Variants in CFAP161 observed in about 807,000 individuals in gnomAD.
CFAP161 encodes the protein cilia and flagella associated protein 161, also known as cilia- and flagella-associated protein 161.
In CFAP161, 25 loss-of-function variants were observed where a neutral mutation model predicts 29.0. That is an observed-to-expected ratio of 0.86 (90% CI 0.63 to 1.20). The LOEUF is 1.20. Among genes scored for constraint, CFAP161 ranks in the 50% most tolerant of loss-of-function variants. The pLI is 0.00. For missense variants in CFAP161, 367 were observed against 371.9 expected, an observed-to-expected ratio of 0.99 and a Z score of 0.11; for synonymous variants, 116 against 137.4, an observed-to-expected ratio of 0.84 and a Z score of 1.09.
intron 3 of CFAP161, among the ~76,000 whole-genome samples, 189 bp downstream of exon 3, chr15:81,136,937 A>G (rs1271491380): frequency 6.6e-6 from 1 of 152,166 alleles, no homozygotes; most frequent in Non-Finnish European, 1.5e-5. Context: ...TTTACCTTAG[A>G]CAGCAGGATA....
At chr15:81,138,831 C>T (rs1894855994) in intron 4 of CFAP161, among the ~76,000 whole-genome samples, 1 of 152,116 alleles carries the variant, frequency 6.6e-6, no homozygotes, top group Non-Finnish European at 1.5e-5. Context: ...ACTATTTTAC[C>T]TTTAATTTAC....
upstream of CFAP161, among the ~76,000 whole-genome samples, chr15:81,133,383 T>C (rs1189442525): frequency 6.6e-6 from 1 of 151,738 alleles, no homozygotes; most frequent in Non-Finnish European, 1.5e-5. Context: ...ATTGCATTTT[T>C]CCACAGTCTT....
At chr15:81,112,223 T>C (rs571772674) in intron 1 of CFAP161, among the ~76,000 whole-genome samples, 2 of 152,112 alleles carry the variant, frequency 1.3e-5, no homozygotes, top group Admixed American at 1.3e-4. Flanking sequence ...TACACTGTGA[T>C]GACTTACATT....
upstream of CFAP161, among the ~76,000 whole-genome samples, chr15:81,133,227 A>ATAT (rs1567156509): frequency 4.0e-5 from 2 of 50,406 alleles, no homozygotes; most frequent in Non-Finnish European, 8.3e-5. Flanking sequence ...ATATATATGT[A>ATAT]TTTTTTTTTA....
At chr15:81,137,930 T>A in intron 3 of CFAP161, 121 bp from the exon 4 acceptor site, 1 of 697,534 alleles carries the variant, frequency 1.4e-6, no homozygotes, top group East Asian at 2.8e-5. Flanking sequence ...AGTTACAGTA[T>A]GTGAATATAA....
At chr15:81,119,498 T>C (rs1414153853) in intron 1 of CFAP161, among the ~76,000 whole-genome samples, 1 of 152,158 alleles carries the variant, frequency 6.6e-6, no homozygotes, top group Non-Finnish European at 1.5e-5. Flanking sequence ...AATAACGTTA[T>C]ATAATTTTTG....
intron 1 of CFAP161, among the ~76,000 whole-genome samples, chr15:81,115,460 A>C (rs79327046): frequency 3.0e-4 from 46 of 152,240 alleles, no homozygotes; most frequent in African/African-American, 1.1e-3. Context: ...CGTAAAGAGG[A>C]AGGTTGGAGG....
At chr15:81,144,366 G>A (rs879274670) in intron 5 of CFAP161, among the ~76,000 whole-genome samples, 2 of 152,200 alleles carry the variant, frequency 1.3e-5, no homozygotes, top group Non-Finnish European at 2.9e-5. Context: ...AGGCTAAGGC[G>A]GGCGGATCTT....
chr15:81,108,377 G>A (rs988289399), intron 1 of CFAP161, among the ~76,000 whole-genome samples: 23 of 151,780 alleles, frequency 1.5e-4, no homozygotes, highest in Admixed American at 5.2e-4. Context: ...GGAGATGAAT[G>A]GGTCAATGAG....
intron 4 of CFAP161, among the ~76,000 whole-genome samples, chr15:81,139,620 T>G (rs1894871798): frequency 1.3e-5 from 2 of 152,208 alleles, no homozygotes; most frequent in Admixed American, 6.5e-5. Context: ...ATTTACCTAG[T>G]CTTTCTTCTA....
At chr15:81,119,882 C>T (rs1050483313) in intron 1 of CFAP161, among the ~76,000 whole-genome samples, 7 of 149,524 alleles carry the variant, frequency 4.7e-5, no homozygotes, top group Non-Finnish European at 8.9e-5. Flanking sequence ...ACAGCAAGAT[C>T]CTGTCTTTAA....
intron 6 of CFAP161, 93 bp downstream of exon 6, chr15:81,148,024 C>A: frequency 1.9e-6 from 2 of 1,044,500 alleles, no homozygotes; most frequent in Admixed American, 2.4e-5. Flanking sequence ...TATGGCTGCA[C>A]ATACAAAAAA....
At chr15:81,131,619 T>C (rs1013174960), upstream of CFAP161, among the ~76,000 whole-genome samples, 2 of 151,900 alleles carry the variant, frequency 1.3e-5, no homozygotes, top group Admixed American at 6.6e-5. Context: ...GACAAATCAA[T>C]AGAAATTATG....
At chr15:81,110,247 T>TA (rs1202638657) in intron 1 of CFAP161, among the ~76,000 whole-genome samples, 1 of 152,202 alleles carries the variant, frequency 6.6e-6, no homozygotes, top group African/African-American at 2.4e-5. Context: ...TGCTTTTGTT[T>TA]AAAAGAAGTC....
Position 81,134,370 on chromosome 15 carries a change from A to G in CFAP161, c.41A>G (p.Asn14Ser), listed in dbSNP as rs1378709199. The G allele has an allele frequency of 1.9e-6, 3 of 1,590,878 alleles. No individual in the cohort carries two copies. The highest frequency in any genetic ancestry group is 2.6e-6 in the Non-Finnish European group (3 of 1,169,864). The change falls in exon 1 of 7, where the codon AAC (asparagine) becomes AGC (serine). Residue 14 changes from asparagine (N) to serine (S), a missense_variant. Asn to Ser is a conservative substitution (Grantham distance 46, BLOSUM62 1). Transcript: ENST00000286732. ...TATGGTCCGGGAGTCCGGATAGGCA[A>G]CTGGAATGAGGATGTCTACCTGGAG... is the stretch of plus-strand genomic sequence containing the variant. ...NVYGPGVRIGNWNEDVYLEEE... is the reference protein window; with the variant it reads ...NVYGPGVRIGSWNEDVYLEEE...
intron 1 of CFAP161, among the ~76,000 whole-genome samples, chr15:81,111,076 T>A (rs1398400507): frequency 6.6e-6 from 1 of 152,238 alleles, no homozygotes; most frequent in African/African-American, 2.4e-5. Flanking sequence ...ATTTTCAATA[T>A]CCTGTCTGCT....
Position 81,148,377 on chromosome 15 carries a change from A to G in CFAP161, c.750A>G (p.Thr250=). ...FGKEAEVVAH[T]YLDSHRVEKP... ...AGGAGGCTGAGGTTGTAGCTCACAC[A>G]TACCTGGATTCACATAGAGTTGAGA... Residue 250 remains threonine, a synonymous_variant, in exon 7 of 7, where the codon ACA becomes ACG. Coordinates refer to ENST00000286732, the MANE Select transcript of CFAP161 (RefSeq NM_173528.4). 2 of 1,614,156 alleles carry G rather than the reference A, an allele frequency of 1.2e-6. No individual in the cohort carries two copies. The highest frequency in any genetic ancestry group is 8.5e-7 in the Non-Finnish European group (1 of 1,179,970).
rs1366641057 is a variant in CFAP161, at chr15:81,149,041, TACCTGATCAGTA to T, written c.*513_*524del. 6.6e-6 allele frequency: 1 copy of T among 152,322 alleles called. No homozygotes were observed. Among genetic ancestry groups the T allele is most frequent in the Non-Finnish European group, 1.5e-5 (1 of 68,104 alleles). The allele number at this position is 152,322 out of a possible 1,614,324, so 9.4% of individuals were successfully genotyped here. On this transcript the variant is annotated 3_prime_UTR_variant, in exon 7 of 7. Coordinates refer to ENST00000286732, the MANE Select transcript of CFAP161 (RefSeq NM_173528.4). ...CTTTGGCTTTCCAGGTCAGGACCTC[TACCTGATCAGTA>T]ACCTATTATTTTGTAATGATTTTTA...
upstream of CFAP161, among the ~76,000 whole-genome samples, chr15:81,133,988 C>T (rs140670802): frequency 6.5e-3 from 993 of 152,256 alleles, 3 homozygotes; most frequent in Middle Eastern, 0.027. Context: ...TTTGTTGCCT[C>T]GACAAGCAAG....
Sources: gnomAD v4.1 joint callset for allele counts (sites outside exome capture counted in the v4.1 genomes callset) on GRCh38, gnomAD v4.1.1 for gene constraint, MANE v1.5 for transcripts, NCBI Gene and HGNC (gene_info 2026-07-23, HGNC 2026-07-21) for gene names.